CNTN5: variants seen among roughly 807,000 people sequenced by gnomAD.
CNTN5 encodes contactin-5.
A neutral mutation model predicts 129.1 loss-of-function variants in CNTN5; 77 were observed. That is an observed-to-expected ratio of 0.60 (90% confidence interval 0.50 to 0.72). The LOEUF (loss-of-function observed/expected upper bound fraction) is 0.72, where lower values mean the gene tolerates loss of function less well. CNTN5 is among the 30% of genes least tolerant of loss of function. The probability of loss-of-function intolerance (pLI) is 0.00; values close to 1 mark genes in which losing one functional copy is unlikely to be tolerated. For missense variants in CNTN5, 1,478 were observed against 1,328.8 expected (o/e 1.11, Z -1.75); for synonymous variants, 509 against 465.6 (o/e 1.09, Z -1.20).
chr11:99,899,158 A>G (rs992823980), intron 6 of CNTN5, among the ~76,000 whole-genome samples: 2 of 152,068 alleles, frequency 1.3e-5, no homozygotes, highest in South Asian at 4.1e-4. Context: ...GTAAACAATC[A>G]TATCTTCAGT....
intron 17 of CNTN5, among the ~76,000 whole-genome samples, chr11:100,263,436 GAATTT>G (rs1950244208): frequency 6.6e-6 from 1 of 152,100 alleles, no homozygotes; most frequent in South Asian, 2.1e-4. Flanking sequence ...TCTATATGCA[GAATTT>G]AATTCAGAAT....
intron 2 of CNTN5, among the ~76,000 whole-genome samples, chr11:99,454,625 C>A (rs531823437): frequency 5.9e-5 from 9 of 152,282 alleles, no homozygotes; most frequent in African/African-American, 2.2e-4. Context: ...GAGGCCTCCC[C>A]AGCCATGCTG....
chr11:99,096,342 A>G (rs1384393242), intron 1 of CNTN5, among the ~76,000 whole-genome samples: 1 of 151,824 alleles, frequency 6.6e-6, no homozygotes, highest in Non-Finnish European at 1.5e-5. Context: ...CTTTGGTGAC[A>G]GTAAGTAGTA....
chr11:100,198,609 T>TTGAG (rs1382428218), intron 15 of CNTN5, among the ~76,000 whole-genome samples: 1 of 151,924 alleles, frequency 6.6e-6, no homozygotes, highest in Non-Finnish European at 1.5e-5. Context: ...TTAGAGATTA[T>TTGAG]TGAGTTTGGC....
intron 1 of CNTN5, among the ~76,000 whole-genome samples, chr11:99,304,216 C>A (rs546073141): frequency 7.9e-5 from 12 of 152,214 alleles, no homozygotes; most frequent in Non-Finnish European, 8.8e-5. Flanking sequence ...ATTGTTCCTG[C>A]CTGGTAATCT....
intron 13 of CNTN5, among the ~76,000 whole-genome samples, chr11:100,156,474 GTGCCTC>G (rs896775126): frequency 6.6e-6 from 1 of 151,830 alleles, no homozygotes; most frequent in African/African-American, 2.4e-5. Context: ...TTTTTTTGTT[GTGCCTC>G]TGCCTGGTTT....
intron 9 of CNTN5, among the ~76,000 whole-genome samples, chr11:100,044,266 T>C (rs1295892708): frequency 6.6e-6 from 1 of 152,116 alleles, no homozygotes; most frequent in Non-Finnish European, 1.5e-5. Context: ...TCTTTGTTAT[T>C]GTCAACAGTC....
chr11:99,655,917 G>A (rs1399687340), intron 3 of CNTN5, among the ~76,000 whole-genome samples: 5 of 151,376 alleles, frequency 3.3e-5, no homozygotes, highest in Admixed American at 6.6e-5. Flanking sequence ...AATAATACAC[G>A]CATAAAATAC....
At chr11:99,162,032 G>C (rs767381053) in intron 1 of CNTN5, among the ~76,000 whole-genome samples, 1 of 152,062 alleles carries the variant, frequency 6.6e-6, no homozygotes, top group Non-Finnish European at 1.5e-5. Flanking sequence ...ACTTATAAAA[G>C]TATAGCAGGC....
chr11:99,667,469 A>G (rs1254653487), intron 3 of CNTN5, among the ~76,000 whole-genome samples: 1 of 152,178 alleles, frequency 6.6e-6, no homozygotes, highest in Non-Finnish European at 1.5e-5. Flanking sequence ...GTAAAGTTGT[A>G]TATACAAGTT....
chr11:99,831,308 A>C (rs1377241981), intron 4 of CNTN5, among the ~76,000 whole-genome samples: 4 of 152,166 alleles, frequency 2.6e-5, no homozygotes, highest in African/African-American at 9.7e-5. Context: ...TTTTTCCTGC[A>C]AAAAGTTGTT....
At chr11:100,270,422 G>A (rs77445354) in intron 17 of CNTN5, among the ~76,000 whole-genome samples, 256 of 152,264 alleles carry the variant, frequency 1.7e-3, no homozygotes, top group African/African-American at 5.7e-3. Flanking sequence ...TTTCACTCCT[G>A]TAACAAATGT....
intron 1 of CNTN5, among the ~76,000 whole-genome samples, chr11:99,236,219 A>C (rs896671994): frequency 2.6e-5 from 4 of 152,124 alleles, no homozygotes; most frequent in Non-Finnish European, 5.9e-5. Context: ...TTGGTTTAGT[A>C]ATTTAAATAT....
chr11:99,911,752 A>G (rs79128504), intron 6 of CNTN5, among the ~76,000 whole-genome samples: 1 of 149,098 alleles, frequency 6.7e-6, no homozygotes, highest in South Asian at 2.1e-4. Context: ...AAAAAAAAAA[A>G]GAAAAATAAC....
chr11:99,664,762 T>C (rs779676409), intron 3 of CNTN5, among the ~76,000 whole-genome samples: 1 of 152,316 alleles, frequency 6.6e-6, no homozygotes, highest in Non-Finnish European at 1.5e-5. Context: ...TGCCACATTT[T>C]TTCCATTTAT....
chr11:99,669,441 G>GTGTGT (rs1194211817), intron 3 of CNTN5, among the ~76,000 whole-genome samples: 1 of 105,926 alleles, frequency 9.4e-6, no homozygotes, highest in African/African-American at 3.4e-5. Context: ...TATTAAATAT[G>GTGTGT]GTGTGTGTGT....
At chr11:99,276,647 T>G (rs1863448565) in intron 1 of CNTN5, among the ~76,000 whole-genome samples, 1 of 151,588 alleles carries the variant, frequency 6.6e-6, no homozygotes, top group African/African-American at 2.4e-5. Flanking sequence ...ATAATATCTA[T>G]TAGTGTACCA....
chr11:99,379,244 A>T (rs1319867703), intron 2 of CNTN5, among the ~76,000 whole-genome samples: 23 of 150,174 alleles, frequency 1.5e-4, no homozygotes, highest in Admixed American at 1.5e-3. Context: ...ACTAAATATG[A>T]AAATATTAAT....
At chr11:99,294,772 G>C (rs759496550) in intron 1 of CNTN5, among the ~76,000 whole-genome samples, 3 of 152,162 alleles carry the variant, frequency 2.0e-5, no homozygotes, top group Non-Finnish European at 2.9e-5. Context: ...CACCACTGTC[G>C]ACGACGTTCA....
Sources: gnomAD v4.1 joint callset for allele counts (sites outside exome capture counted in the v4.1 genomes callset) on GRCh38, gnomAD v4.1.1 for gene constraint, MANE v1.5 for transcripts, NCBI Gene and HGNC (gene_info 2026-07-23, HGNC 2026-07-21) for gene names.